The following CFAP68 variants were observed in gnomAD, a reference collection of about 807,000 sequenced individuals.
The protein encoded by CFAP68 is cilia- and flagella-associated protein 68.
At chr11:111,881,634 A>G in the CFAP68 span, 18 of 1,515,948 alleles carry the variant, frequency 1.2e-5, no homozygotes, top group African/African-American at 5.8e-5. Context: ...TTCCTAAGTC[A>G]GGGGGCCAGA....
chr11:111,879,723 C>A, the CFAP68 span: 2 of 1,134,926 alleles, frequency 1.8e-6, no homozygotes, highest in Non-Finnish European at 2.6e-6. Context: ...CCTATGATTT[C>A]AATGAGCCTG....
chr11:111,883,216 T>C, the CFAP68 span: 26 of 1,552,288 alleles, frequency 1.7e-5, no homozygotes, highest in Non-Finnish European at 2.3e-5. Context: ...CGTGGACTGT[T>C]TTTTCAAATT....
chr11:111,883,740 G>C, the CFAP68 span: 1 of 1,483,196 alleles, frequency 6.7e-7, no homozygotes, highest in Non-Finnish European at 9.4e-7. Context: ...GTTTTCATTT[G>C]TCTTTCCTTC....
chr11:111,884,020 G>T, the CFAP68 span: 1 of 605,308 alleles, frequency 1.7e-6, no homozygotes, highest in Non-Finnish European at 2.8e-6. Flanking sequence ...TAAAAATTTA[G>T]CTCACTGTAA....
At chr11:111,882,441 T>C in the CFAP68 span, 1 of 1,614,162 alleles carries the variant, frequency 6.2e-7, no homozygotes, top group African/African-American at 1.3e-5. Context: ...CATGGTGAAG[T>C]GTGGACAGAT....
chr11:111,884,705 A>G, the CFAP68 span: 1 of 152,144 alleles, frequency 6.6e-6, no homozygotes, highest in Non-Finnish European at 1.5e-5. Context: ...ATTATGGAGA[A>G]TTTTACGTAA....
At chr11:111,880,657 A>C in the CFAP68 span, 1 of 394,778 alleles carries the variant, frequency 2.5e-6, no homozygotes, top group South Asian at 1.8e-5. Flanking sequence ...AACAACCATA[A>C]AAATGGGCAA....
the CFAP68 span, chr11:111,881,533 C>T: frequency 6.5e-7 from 1 of 1,535,984 alleles, no homozygotes; most frequent in South Asian, 1.2e-5. Context: ...ATGGAACAGC[C>T]AAGTAAGGAT....
the CFAP68 span, among the ~76,000 whole-genome samples, chr11:111,882,905 C>A: frequency 6.6e-6 from 1 of 152,242 alleles, no homozygotes; most frequent in South Asian, 2.1e-4. Flanking sequence ...CTAGCTTTTC[C>A]CCTGGTCCTT....
chr11:111,883,516 C>T, the CFAP68 span, among the ~76,000 whole-genome samples: 1 of 151,902 alleles, frequency 6.6e-6, no homozygotes, highest in African/African-American at 2.4e-5. Flanking sequence ...TCACCTGAAC[C>T]CGAGAGGTGG....
At chr11:111,880,117 G>A in the CFAP68 span, among the ~76,000 whole-genome samples, 23 of 152,268 alleles carry the variant, frequency 1.5e-4, no homozygotes, top group African/African-American at 3.6e-4. Context: ...GGTTTGTTAC[G>A]TGGATATATT....
chr11:111,883,121 A>C, the CFAP68 span: 31 of 1,548,146 alleles, frequency 2.0e-5, no homozygotes, highest in Non-Finnish European at 2.6e-5. Flanking sequence ...TTAATCTGTT[A>C]ATTTTTCTTT....
the CFAP68 span, among the ~76,000 whole-genome samples, chr11:111,883,545 A>G: frequency 6.6e-6 from 1 of 152,048 alleles, no homozygotes; most frequent in Non-Finnish European, 1.5e-5. Context: ...GTGAGCAGAA[A>G]TCAAGCCACT....
At chr11:111,884,157 G>C in the CFAP68 span, 1 of 273,950 alleles carries the variant, frequency 3.7e-6, no homozygotes, top group Non-Finnish European at 6.8e-6. Context: ...CTACATTTGG[G>C]GTGTTGTAGA....
At chr11:111,880,242 A>G in the CFAP68 span, among the ~76,000 whole-genome samples, 6 of 151,746 alleles carry the variant, frequency 4.0e-5, no homozygotes, top group Non-Finnish European at 1.5e-5. Context: ...TGTTGTTTCC[A>G]TGTTTAGGTC....
chr11:111,882,319 C>T, the CFAP68 span: 1 of 1,506,512 alleles, frequency 6.6e-7, no homozygotes, highest in South Asian at 1.2e-5. Flanking sequence ...GATGCTTTTT[C>T]TCTTCTCTGG....
chr11:111,883,751 C>G, the CFAP68 span: 48 of 1,513,308 alleles, frequency 3.2e-5, no homozygotes, highest in Non-Finnish European at 4.2e-5. Flanking sequence ...TCTTTCCTTC[C>G]TTTTTTTTTC....
chr11:111,882,464 T>TC, the CFAP68 span: 8 of 1,614,018 alleles, frequency 5.0e-6, no homozygotes, highest in Non-Finnish European at 6.8e-6. Flanking sequence ...GAATAATATG[T>TC]CCAAGTTTTT....
At chr11:111,881,413 C>T in the CFAP68 span, 1 of 1,530,518 alleles carries the variant, frequency 6.5e-7, no homozygotes, top group Non-Finnish European at 8.7e-7. Context: ...TGTGGAAAGG[C>T]AAGTGGGTGG....
Sources: gnomAD v4.1 joint callset for allele counts (sites outside exome capture counted in the v4.1 genomes callset) on GRCh38, gnomAD v4.1.1 for gene constraint, MANE v1.5 for transcripts, NCBI Gene and HGNC (gene_info 2026-07-23, HGNC 2026-07-21) for gene names.